Variants in GABRG2 observed in about 807,000 individuals in gnomAD.
GABRG2 encodes the protein gamma-aminobutyric acid type A receptor subunit gamma2.
In GABRG2, 16 loss-of-function variants were observed where a neutral mutation model predicts 56.4. The ratio of observed to expected loss-of-function variants is 0.28; its 90% CI spans 0.19 to 0.43. The LOEUF (loss-of-function observed/expected upper bound fraction) is 0.43. GABRG2 is among the 20% of genes least tolerant of loss of function. The pLI is 1.00. For synonymous variants in GABRG2, 208 were observed against 205.5 expected (o/e 1.01, Z -0.10); for missense variants, 327 against 582.7 (o/e 0.56, Z 4.52).
intron 6 of GABRG2, among the ~76,000 whole-genome samples, chr5:162,123,401 A>T (rs574436032): frequency 2.0e-5 from 3 of 151,300 alleles, no homozygotes; most frequent in Non-Finnish European, 3.0e-5. Flanking sequence ...TTTTTGCATG[A>T]TGATGGTATT....
intron 1 of GABRG2, among the ~76,000 whole-genome samples, chr5:162,074,357 G>T (rs923868395): frequency 8.6e-5 from 13 of 151,998 alleles, no homozygotes; most frequent in Non-Finnish European, 1.5e-5. Context: ...AGAAAACCAT[G>T]TAAGTACCAA....
chr5:162,152,009 AT>A, intron 9 of GABRG2: 1 of 384,078 alleles, frequency 2.6e-6, no homozygotes, highest in South Asian at 6.7e-5. Context: ...TGCTTTATCC[AT>A]CAAAGCCAAA....
Position 162,082,459 on chromosome 5 carries a change from G to T in GABRG2, c.108-11369G>T, listed in dbSNP as rs141209335. On this transcript the variant is annotated intron_variant, in intron 1 of 9. Coordinates refer to ENST00000639213, the MANE Select transcript of GABRG2 (RefSeq NM_198904.4). ...TTTGACGTAACACATGCTTAAAATT[G>T]GTGTGAAGTTAGAATGTTTTCAAAT... is the stretch of plus-strand genomic sequence containing the variant. Among the ~76,000 whole-genome samples the T allele has an allele frequency of 1.8e-3, 276 of 151,752 alleles. 3 individuals are homozygous for T. Among genetic ancestry groups the T allele is most frequent in the African/African-American group, 6.3e-3 (260 of 41,462 alleles).
chr5:162,119,403 AT>A (rs1191493188), intron 6 of GABRG2, among the ~76,000 whole-genome samples: 1 of 152,144 alleles, frequency 6.6e-6, no homozygotes, highest in Non-Finnish European at 1.5e-5. Context: ...AACATATTTT[AT>A]TTGTTGAAAA....
intron 6 of GABRG2, among the ~76,000 whole-genome samples, chr5:162,133,890 T>C (rs1186693299): frequency 3.3e-5 from 5 of 152,110 alleles, no homozygotes. Context: ...CAAGAGAAAA[T>C]GTCTGCTTTT....
chr5:162,106,366 G>T (rs1195567800), intron 6 of GABRG2, among the ~76,000 whole-genome samples: 1 of 152,068 alleles, frequency 6.6e-6, no homozygotes, highest in Non-Finnish European at 1.5e-5. Context: ...TTTGTATTTT[G>T]TGTGTAGTAC....
chr5:162,086,238 A>G (rs1235955711), intron 1 of GABRG2, among the ~76,000 whole-genome samples: 1 of 152,052 alleles, frequency 6.6e-6, no homozygotes, highest in Admixed American at 6.6e-5. Context: ...TGAGCCACTT[A>G]CTAAGTTAAT....
At chr5:162,087,796 C>T (rs1463622975) in intron 1 of GABRG2, among the ~76,000 whole-genome samples, 2 of 152,118 alleles carry the variant, frequency 1.3e-5, no homozygotes, top group Non-Finnish European at 2.9e-5. Context: ...TAAAATCCCA[C>T]AGACATTTAT....
At chr5:162,071,266 A>G (rs1477444246) in intron 1 of GABRG2, among the ~76,000 whole-genome samples, 4 of 151,420 alleles carry the variant, frequency 2.6e-5, no homozygotes, top group African/African-American at 9.7e-5. Context: ...ATCTCAGAGT[A>G]AAAATACCCT....
intron 1 of GABRG2, among the ~76,000 whole-genome samples, chr5:162,070,908 A>G (rs1404255849): frequency 6.6e-6 from 1 of 151,954 alleles, no homozygotes; most frequent in East Asian, 1.9e-4. Context: ...AGTGGTCTAT[A>G]CTTTTCTGAT....
chr5:162,085,019 T>G (rs1334427343), intron 1 of GABRG2, among the ~76,000 whole-genome samples: 1 of 151,974 alleles, frequency 6.6e-6, no homozygotes, highest in African/African-American at 2.4e-5. Flanking sequence ...GTTACTGCCT[T>G]TAAAACTTCC....
intron 3 of GABRG2, among the ~76,000 whole-genome samples, chr5:162,096,067 TA>T: frequency 6.6e-6 from 1 of 151,996 alleles, no homozygotes; most frequent in African/African-American, 2.4e-5. Context: ...GAGTACAACA[TA>T]ACATAAGGTA....
intron 1 of GABRG2, among the ~76,000 whole-genome samples, chr5:162,078,767 C>T (rs1402646716): frequency 6.6e-6 from 1 of 151,640 alleles, no homozygotes; most frequent in East Asian, 1.9e-4. Flanking sequence ...AGTGTGATGG[C>T]TCAGGATTTG....
chr5:162,070,242 A>C (rs376361400), intron 1 of GABRG2, among the ~76,000 whole-genome samples: 108 of 152,258 alleles, frequency 7.1e-4, no homozygotes, highest in African/African-American at 2.5e-3. Flanking sequence ...GGAAACTCCC[A>C]AAAGTGGTAA....
intron 1 of GABRG2, among the ~76,000 whole-genome samples, chr5:162,072,916 A>G (rs577306358): frequency 9.9e-5 from 15 of 152,130 alleles, no homozygotes; most frequent in African/African-American, 3.6e-4. Context: ...CATATGAATC[A>G]TAATAACTTG....
At chr5:162,090,832 T>C (rs2113275175) in intron 1 of GABRG2, among the ~76,000 whole-genome samples, 1 of 152,230 alleles carries the variant, frequency 6.6e-6, no homozygotes, top group East Asian at 1.9e-4. Context: ...TTGAGTGAAT[T>C]CTTCAAATCA....
At chr5:162,076,799 G>A (rs1048059008) in intron 1 of GABRG2, among the ~76,000 whole-genome samples, 1 of 152,012 alleles carries the variant, frequency 6.6e-6, no homozygotes, top group Non-Finnish European at 1.5e-5. Context: ...GCTATTCAGG[G>A]TCATGACTAA....
intron 1 of GABRG2, among the ~76,000 whole-genome samples, chr5:162,073,619 T>C (rs1238025896): frequency 6.6e-6 from 1 of 151,982 alleles, no homozygotes; most frequent in African/African-American, 2.4e-5. Flanking sequence ...AATATATAGA[T>C]ATTCAAAGAT....
chr5:162,146,588 T>G (rs927576819), intron 7 of GABRG2, among the ~76,000 whole-genome samples: 3 of 151,296 alleles, frequency 2.0e-5, no homozygotes, highest in African/African-American at 7.4e-5. Flanking sequence ...TACTATGCAT[T>G]GGCTCACTGT....
Sources: gnomAD v4.1 joint callset for allele counts (sites outside exome capture counted in the v4.1 genomes callset) on GRCh38, gnomAD v4.1.1 for gene constraint, MANE v1.5 for transcripts, NCBI Gene and HGNC (gene_info 2026-07-23, HGNC 2026-07-21) for gene names.